Variants in CCDC144A observed in about 807,000 individuals in gnomAD.
CCDC144A encodes coiled-coil domain containing 144A, also known as coiled-coil domain-containing protein 144A.
A neutral mutation model predicts 143.8 loss-of-function variants in CCDC144A; 41 were observed. The ratio of observed to expected loss-of-function variants is 0.29; its 90% CI spans 0.22 to 0.37. The LOEUF is 0.37. Among genes scored for constraint, CCDC144A ranks in the 10% least tolerant of loss-of-function variants. The pLI is 1.00. For missense variants in CCDC144A, 637 were observed against 1,488.8 expected (o/e 0.43, Z 9.41); for synonymous variants, 242 against 517.9 (o/e 0.47, Z 7.23).
intron 12 of CCDC144A, among the ~76,000 whole-genome samples, chr17:16,756,730 A>C (rs974963182): frequency 1.3e-5 from 2 of 151,592 alleles, no homozygotes; most frequent in African/African-American, 4.9e-5. Context: ...AATGTTGATA[A>C]CTGTGCAGCT....
intron 13 of CCDC144A, 75 bp from the exon 14 acceptor site, chr17:16,762,238 A>G (rs1915406990): frequency 6.6e-7 from 1 of 1,525,038 alleles, no homozygotes; most frequent in East Asian, 2.5e-5. Flanking sequence ...CTGACTCCAA[A>G]CAAAAGGAAA....
chr17:16,736,160 C>T (rs1003199109), intron 12 of CCDC144A, among the ~76,000 whole-genome samples: 3 of 149,998 alleles, frequency 2.0e-5, no homozygotes, highest in African/African-American at 4.9e-5. Context: ...TTATTCATAT[C>T]AATTTGACTT....
the CCDC144A span, chr17:16,683,979 G>T: frequency 1.9e-6 from 2 of 1,062,034 alleles, no homozygotes; most frequent in Non-Finnish European, 2.9e-6. Context: ...GTAGGCATTA[G>T]ACTTCCTGGG....
chr17:16,755,934 A>G (rs1915063118), intron 12 of CCDC144A, among the ~76,000 whole-genome samples: 1 of 152,130 alleles, frequency 6.6e-6, no homozygotes, highest in Non-Finnish European at 1.5e-5. Flanking sequence ...CTTCCCGCAT[A>G]TTAAATATAT....
At chr17:16,750,231 GTTCT>G (rs1194966158) in intron 12 of CCDC144A, among the ~76,000 whole-genome samples, 1 of 151,882 alleles carries the variant, frequency 6.6e-6, no homozygotes, top group African/African-American at 2.4e-5. Context: ...AGTGGGTATT[GTTCT>G]TTCTTTTCCA....
chr17:16,755,035 C>G (rs1915011118), intron 12 of CCDC144A, among the ~76,000 whole-genome samples: 1 of 152,114 alleles, frequency 6.6e-6, no homozygotes, highest in South Asian at 2.1e-4. Context: ...TCTATTTTGT[C>G]TGATATAAAT....
At chr17:16,681,905 A>G in the CCDC144A span, among the ~76,000 whole-genome samples, 1 of 152,042 alleles carries the variant, frequency 6.6e-6, no homozygotes. Context: ...ATTCTAAAAA[A>G]TTGCATACTG....
chr17:16,747,310 C>T (rs910657474), intron 12 of CCDC144A, among the ~76,000 whole-genome samples: 3 of 152,038 alleles, frequency 2.0e-5, no homozygotes, highest in Non-Finnish European at 4.4e-5. Flanking sequence ...TTTAGTGTAG[C>T]GTTTGTTTAC....
At chr17:16,729,985 T>TATATATATATATATATAC (rs1913651936) in intron 9 of CCDC144A, among the ~76,000 whole-genome samples, 1 of 123,838 alleles carries the variant, frequency 8.1e-6, no homozygotes, top group Non-Finnish European at 1.8e-5. Flanking sequence ...TATATATATA[T>TATATATATATATATATAC]ATATATACAC....
chr17:16,739,554 A>G (rs1297004587), intron 12 of CCDC144A, among the ~76,000 whole-genome samples: 3 of 148,350 alleles, frequency 2.0e-5, no homozygotes, highest in Admixed American at 1.3e-4. Flanking sequence ...TAGTTCTTAC[A>G]TTTAGTGGTT....
In CCDC144A at chr17:16,777,413, G is replaced by A. The variant is rs1406327996; in HGVS notation, c.*3780G>A. On this transcript the variant is annotated 3_prime_UTR_variant, in exon 17 of 17. Transcript: ENST00000399273. ...ACCCAACAAGCATAGAATATACATTGTATACATCAGAACACGGGACATTCT... is the reference window on the plus strand; with the variant it reads ...ACCCAACAAGCATAGAATATACATTATATACATCAGAACACGGGACATTCT... The A allele has an allele frequency of 6.6e-6, 1 of 151,676 alleles. No homozygotes were observed. The highest frequency in any genetic ancestry group is 6.6e-5 in the Admixed American group (1 of 15,208). The allele number at this position is 151,676 out of a possible 1,614,324, so 9.4% of individuals were successfully genotyped here.
rs1915870324 is a variant in CCDC144A at position 16,772,703 on chromosome 17, C to T, written c.4141+684C>T. The stretch of plus-strand genomic sequence containing the variant: ...CTATCTGCCAACCTTTTTTTCTCAT[C>T]CTTCAGGTATCCACTAACCATGCCT... On this transcript the variant is annotated intron_variant, in intron 16 of 16. Coordinates refer to ENST00000399273, the MANE Select transcript of CCDC144A (RefSeq NM_001382000.1). 3 of 1,612,878 alleles carry T rather than the reference C, an allele frequency of 1.9e-6. 1 individual carries two copies. The Admixed American group carries it at 5.0e-5, about 27-fold the overall frequency.
chr17:16,697,362 CTG>C (rs1911476598), intron 2 of CCDC144A, among the ~76,000 whole-genome samples: 2 of 152,202 alleles, frequency 1.3e-5, no homozygotes, highest in Non-Finnish European at 2.9e-5. Context: ...ATATACATGA[CTG>C]AGCTCCGGTA....
At chr17:16,671,135 C>T in the CCDC144A span, among the ~76,000 whole-genome samples, 19 of 151,812 alleles carry the variant, frequency 1.3e-4, no homozygotes, top group Admixed American at 2.6e-4. Flanking sequence ...TACAGACACC[C>T]ACCACCACAC....
intron 5 of CCDC144A, among the ~76,000 whole-genome samples, chr17:16,711,251 C>A (rs1382012181): frequency 2.0e-5 from 3 of 150,096 alleles, no homozygotes; most frequent in African/African-American, 4.9e-5. Flanking sequence ...TCCTCTCAAT[C>A]TGGCTGTTTA....
At chr17:16,682,883 G>GT in the CCDC144A span, among the ~76,000 whole-genome samples, 1,094 of 46,428 alleles carry the variant, frequency 0.024, 431 homozygotes, top group Non-Finnish European at 0.043. Context: ...TGGATTCTCT[G>GT]TTTTTTTTTT....
At chr17:16,746,094 G>A (rs1914491055) in intron 12 of CCDC144A, 1 of 1,602,694 alleles carries the variant, frequency 6.2e-7, no homozygotes, top group Non-Finnish European at 8.5e-7. Context: ...CACGGGCCTG[G>A]CTTTTACGAC....
At chr17:16,688,975 A>G (rs1198145383), upstream of CCDC144A, among the ~76,000 whole-genome samples, 2 of 152,022 alleles carry the variant, frequency 1.3e-5, no homozygotes, top group Non-Finnish European at 2.9e-5. Context: ...TGCAATACTC[A>G]TCTCAGTGAT....
At chr17:16,756,914 A>T (rs1195176417) in intron 12 of CCDC144A, among the ~76,000 whole-genome samples, 1 of 152,236 alleles carries the variant, frequency 6.6e-6, no homozygotes, top group Non-Finnish European at 1.5e-5. Flanking sequence ...TAAGTTCCTC[A>T]GTGGCTTACG....
Sources: allele counts gnomAD v4.1 joint callset (sites outside exome capture counted in the v4.1 genomes callset), GRCh38; gene constraint gnomAD v4.1.1; transcripts MANE v1.5; gene names NCBI Gene and HGNC (gene_info 2026-07-23, HGNC 2026-07-21).